The following SMYD1 variants were observed in gnomAD, a reference collection of about 807,000 sequenced individuals.
SMYD1 encodes the protein histone-lysine N-methyltransferase SMYD1.
SMYD1 carries 49 observed loss-of-function variants against 54.0 expected under a neutral mutation model. The observed-to-expected ratio is 0.91, with a 90% confidence interval of 0.72 to 1.15. SMYD1 has a LOEUF of 1.15. SMYD1 is among the 50% of genes most tolerant of loss of function. The pLI, the probability that SMYD1 is intolerant of heterozygous loss-of-function variation, is 0.00. For missense variants in SMYD1, 653 were observed against 639.6 expected, an observed-to-expected ratio of 1.02 and a Z score of -0.23; for synonymous variants, 269 against 234.2, an observed-to-expected ratio of 1.15 and a Z score of -1.36.
Position 88,096,792 on chromosome 2 carries a change from C to T in SMYD1, c.888+8C>T, listed in dbSNP as rs2104002974. The stretch of plus-strand genomic sequence containing the variant: ...GTGAAAGACAACCCCAAGGTACACA[C>T]AGCCCTGCTGCTGAGGTGTTTGTGT... On this transcript the variant is annotated splice_region_variant and intron_variant, in intron 6 of 9. Coordinates refer to ENST00000419482, the MANE Select transcript of SMYD1 (RefSeq NM_198274.4). The T allele has an allele frequency of 1.9e-6, 3 of 1,610,056 alleles. No individual in the cohort carries two copies. Among genetic ancestry groups the T allele is most frequent in the Admixed American group, 3.4e-5 (2 of 59,536 alleles).
chr2:88,092,845 C>G (rs115494055), intron 4 of SMYD1, among the ~76,000 whole-genome samples: 2,568 of 152,324 alleles, frequency 0.017, 62 homozygotes, highest in African/African-American at 0.057. Context: ...CAAGGCTCCT[C>G]TTGTCATTGG....
rs1280511600 is a variant in SMYD1 at position 88,076,128 on chromosome 2, C to T, written c.137+8127C>T. The stretch of plus-strand genomic sequence containing the variant: ...TCGAAACTTACAGCAAGTTACCATG[C>T]TTGTGGAATGTGGGTCCTGCCTTGT... On this transcript the variant is annotated intron_variant, in intron 1 of 9. Transcript: ENST00000419482. Among the ~76,000 whole-genome samples, 5 of 152,176 alleles carry T rather than the reference C, an allele frequency of 3.3e-5. No homozygotes were observed. In the East Asian group the frequency reaches 9.6e-4, roughly 29 times the overall value.
intron 6 of SMYD1, among the ~76,000 whole-genome samples, chr2:88,098,141 C>T (rs147330034): frequency 6.6e-6 from 1 of 152,322 alleles, no homozygotes; most frequent in Non-Finnish European, 1.5e-5. Flanking sequence ...ATCTGTGAGC[C>T]AGTCAGCCTT....
At chr2:88,091,622 G>A (rs971839900) in intron 4 of SMYD1, among the ~76,000 whole-genome samples, 8 of 152,084 alleles carry the variant, frequency 5.3e-5, no homozygotes, top group African/African-American at 1.7e-4. Flanking sequence ...AGGAGGGGGC[G>A]GATCACTTGA....
chr2:88,094,449 G>C (rs1412286846), intron 5 of SMYD1, among the ~76,000 whole-genome samples: 3 of 152,114 alleles, frequency 2.0e-5, no homozygotes, highest in South Asian at 4.1e-4. Flanking sequence ...AAGGGGTCTG[G>C]GGTCCAGAGT....
At chr2:88,103,176 T>C (rs909261345) in intron 7 of SMYD1, 26 bp downstream of exon 7, 1 of 1,556,282 alleles carries the variant, frequency 6.4e-7, no homozygotes, top group Non-Finnish European at 8.7e-7. Context: ...TTATAGAGGA[T>C]GGGGGTAGAA....
At chr2:88,097,246 T>C (rs1674611008) in intron 6 of SMYD1, among the ~76,000 whole-genome samples, 1 of 152,138 alleles carries the variant, frequency 6.6e-6, no homozygotes, top group Non-Finnish European at 1.5e-5. Context: ...GGATGGGCAG[T>C]GTGGAGACAG....
At chr2:88,083,806 T>G (rs1400122706) in intron 1 of SMYD1, among the ~76,000 whole-genome samples, 1 of 152,128 alleles carries the variant, frequency 6.6e-6, no homozygotes, top group Non-Finnish European at 1.5e-5. Flanking sequence ...CACTTAAAAA[T>G]ATTTGGTAGG....
At position 88,087,851 on chromosome 2, in the gene SMYD1, C is replaced by CGA; in HGVS notation, c.315-11_315-10insGA. 1.3e-6 allele frequency: 2 copies of CGA among 1,559,882 alleles called. No individual in the cohort carries two copies. The highest frequency in any genetic ancestry group is 1.9e-5 in the Admixed American group (1 of 53,352). On this transcript the variant is annotated splice_polypyrimidine_tract_variant and intron_variant, in intron 2 of 9. Transcript: ENST00000419482. ...AGCTGTAGTGGCCTCCTGACGCTGC[C>CGA]CTTCCCACAGGCTGGCGGCGCGCAT... is the stretch of plus-strand genomic sequence containing the variant.
chr2:88,083,919 C>A (rs1003611916), intron 1 of SMYD1, among the ~76,000 whole-genome samples: 1 of 152,128 alleles, frequency 6.6e-6, no homozygotes, highest in African/African-American at 2.4e-5. Flanking sequence ...CATGGTGAAA[C>A]CCTGTCTGTA....
rs374878530 is a variant in SMYD1, at chr2:88,067,996, T to A, written c.132T>A (p.Phe44Leu). Reference protein sequence around the residue: ...FAERAYSAVVFDSLVNFVCHT... With the variant: ...FAERAYSAVVLDSLVNFVCHT... ...AGCGGGCTTATTCCGCAGTGGTTTTTGACAGGTATGAAATGTGGGGAGTTG... is the reference window on the plus strand; with the variant it reads ...AGCGGGCTTATTCCGCAGTGGTTTTAGACAGGTATGAAATGTGGGGAGTTG... The change falls in exon 1 of 10, where the codon TTT (phenylalanine) becomes TTA (leucine). Residue 44 changes from phenylalanine (F) to leucine (L), a missense_variant. Transcript: ENST00000419482. The A allele has an allele frequency of 3.1e-6, 5 of 1,613,250 alleles. No homozygotes were observed. In the Admixed American group the frequency reaches 5.0e-5, roughly 16 times the overall value.
intron 6 of SMYD1, 58 bp from the exon 7 acceptor site, chr2:88,103,000 A>G (rs1254549266): frequency 7.4e-7 from 1 of 1,353,048 alleles, no homozygotes. Flanking sequence ...AACTATTCAA[A>G]GGTGGAATGG....
At chr2:88,109,789 C>A (rs1674967901) in intron 9 of SMYD1, among the ~76,000 whole-genome samples, 1 of 152,120 alleles carries the variant, frequency 6.6e-6, no homozygotes, top group Non-Finnish European at 1.5e-5. Flanking sequence ...GACTAACTAG[C>A]TTTATGTTTA....
chr2:88,085,547 G>A (rs1475606461), intron 2 of SMYD1, among the ~76,000 whole-genome samples: 1 of 152,180 alleles, frequency 6.6e-6, no homozygotes, highest in Non-Finnish European at 1.5e-5. Flanking sequence ...GAACCTGCAG[G>A]ATGAAATGGC....
At chr2:88,086,630 C>T (rs368840944) in intron 2 of SMYD1, among the ~76,000 whole-genome samples, 3 of 152,224 alleles carry the variant, frequency 2.0e-5, no homozygotes, top group South Asian at 2.1e-4. Flanking sequence ...GAGGCCTCCG[C>T]TCACACTGTT....
In SMYD1 at chr2:88,093,803, C is replaced by T. The variant is rs144141258; in HGVS notation, c.698+248C>T. 1.2e-4 allele frequency among the ~76,000 whole-genome samples: 19 copies of T among 152,252 alleles called. No individual in the cohort carries two copies. In the East Asian group the frequency reaches 3.1e-3, roughly 25 times the overall value. On this transcript the variant is annotated intron_variant, in intron 5 of 9. Coordinates refer to ENST00000419482, the MANE Select transcript of SMYD1 (RefSeq NM_198274.4). ...CCTTTCATGCCTCACTTCCACTGCT[C>T]TTCCAACCTTGAAGCATGAACCCTT...
intron 5 of SMYD1, among the ~76,000 whole-genome samples, chr2:88,095,913 C>A (rs896365174): frequency 6.6e-6 from 1 of 152,180 alleles, no homozygotes; most frequent in African/African-American, 2.4e-5. Context: ...CAGGTCTAGG[C>A]TGGAAGGGAA....
chr2:88,076,589 T>C (rs1258917949), intron 1 of SMYD1, among the ~76,000 whole-genome samples: 1 of 152,098 alleles, frequency 6.6e-6, no homozygotes. Flanking sequence ...AATAAATACT[T>C]GCAGAATGAA....
At chr2:88,107,390 C>T (rs781615127) in intron 8 of SMYD1, among the ~76,000 whole-genome samples, 2 of 151,996 alleles carry the variant, frequency 1.3e-5, no homozygotes, top group Non-Finnish European at 2.9e-5. Flanking sequence ...GGAAGCCCTG[C>T]AAAAGGGTGC....
Sources: gnomAD v4.1 joint callset for allele counts (sites outside exome capture counted in the v4.1 genomes callset) on GRCh38, gnomAD v4.1.1 for gene constraint, MANE v1.5 for transcripts, NCBI Gene and HGNC (gene_info 2026-07-23, HGNC 2026-07-21) for gene names.